SULT2B1: variants seen among roughly 807,000 people sequenced by gnomAD.
SULT2B1 encodes the protein sulfotransferase family 2B member 1, also known as sulfotransferase 2B1.
In SULT2B1, 16 loss-of-function variants were observed where a neutral mutation model predicts 33.2. The observed-to-expected ratio is 0.48, with a 90% CI of 0.33 to 0.73. The LOEUF is 0.73. Ranked by LOEUF, SULT2B1 falls within the 30% of genes least tolerant of loss-of-function variation. The pLI is 0.02. For synonymous variants in SULT2B1, 186 were observed against 200.5 expected, an observed-to-expected ratio of 0.93 and a Z score of 0.61; for missense variants, 500 against 506.0, an observed-to-expected ratio of 0.99 and a Z score of 0.11.
chr19:48,558,362 G>A (rs1275797312), intron 1 of SULT2B1, among the ~76,000 whole-genome samples: 3 of 152,202 alleles, frequency 2.0e-5, no homozygotes, highest in African/African-American at 7.2e-5. Flanking sequence ...GGTTCCAGGC[G>A]TTTCCTTGCA....
At chr19:48,553,324 T>C (rs1174777832) in intron 1 of SULT2B1, among the ~76,000 whole-genome samples, 3 of 152,200 alleles carry the variant, frequency 2.0e-5, no homozygotes, top group African/African-American at 7.2e-5. Flanking sequence ...TTTATTTTTT[T>C]GAAATGGAGT....
At chr19:48,553,121 C>T (rs1973050431) in intron 1 of SULT2B1, among the ~76,000 whole-genome samples, 1 of 151,754 alleles carries the variant, frequency 6.6e-6, no homozygotes, top group African/African-American at 2.4e-5. Context: ...GCGCAGAGGC[C>T]CAGAGAGGGC....
At chr19:48,598,263 G>C (rs1424912561) in intron 6 of SULT2B1, among the ~76,000 whole-genome samples, 6 of 152,262 alleles carry the variant, frequency 3.9e-5, no homozygotes, top group Admixed American at 3.9e-4. Flanking sequence ...TTCCAGGTGA[G>C]GGGTGATGCC....
intron 4 of SULT2B1, 31 bp from the exon 5 acceptor site, chr19:48,592,691 G>A (rs779108192): frequency 6.4e-7 from 1 of 1,556,176 alleles, no homozygotes; most frequent in Non-Finnish European, 8.7e-7. Context: ...CCGCCACTCA[G>A]CCCTCACCCC....
rs931725124 is a variant in SULT2B1, at chr19:48,576,166, G to C, written c.214+83G>C. 31 of 1,271,574 alleles carry C rather than the reference G, an allele frequency of 2.4e-5. No individual in the cohort carries two copies. The Admixed American group carries it at 5.7e-4, about 23-fold the overall frequency. The allele number at this position is 1,271,574 out of a possible 1,614,324, so 78.8% of individuals were successfully genotyped here. On this transcript the variant is annotated intron_variant, in intron 2 of 6. Transcript: ENST00000201586. Reference sequence around the variant, plus strand: ...AGGACAGGAAAGGCACATAGAGAAGGAGGGGAGGAGGAAAAGTGGGGCCGG... The same window carrying C: ...AGGACAGGAAAGGCACATAGAGAAGCAGGGGAGGAGGAAAAGTGGGGCCGG...
At chr19:48,559,859 G>A (rs1436508314) in intron 1 of SULT2B1, among the ~76,000 whole-genome samples, 1 of 151,798 alleles carries the variant, frequency 6.6e-6, no homozygotes, top group Non-Finnish European at 1.5e-5. Context: ...CACAGCTCAC[G>A]CCTGTAATCC....
intron 3 of SULT2B1, among the ~76,000 whole-genome samples, chr19:48,588,851 A>G (rs1163754139): frequency 1.3e-5 from 2 of 152,056 alleles, no homozygotes; most frequent in Non-Finnish European, 2.9e-5. Context: ...AGGTGGGTGT[A>G]TCTGAGGTGC....
chr19:48,564,580 GA>G (rs1157618272), intron 1 of SULT2B1, among the ~76,000 whole-genome samples: 1 of 133,788 alleles, frequency 7.5e-6, no homozygotes, highest in South Asian at 2.4e-4. Flanking sequence ...AAAAAAGAAA[GA>G]AAAAAAGAGG....
chr19:48,576,073 C>T lies in SULT2B1; in HGVS notation c.204C>T (p.Tyr68=), dbSNP rs138790416. The change falls in exon 2 of 7, where the codon TAC becomes TAT. Residue 68 remains tyrosine (Y), a synonymous_variant. Coordinates refer to ENST00000201586, the MANE Select transcript of SULT2B1 (RefSeq NM_177973.2). ...VRDDDIFIIT[Y]PKSGTTWMIE... is the part of the protein sequence containing the mutation. Reference sequence around the variant, plus strand: ...ACGACGACATCTTTATCATCACCTACCCCAAGTCAGGTACCTGCCGGGCTG... The same window carrying T: ...ACGACGACATCTTTATCATCACCTATCCCAAGTCAGGTACCTGCCGGGCTG... The T allele has an allele frequency of 5.3e-4, 860 of 1,610,914 alleles. No homozygotes were observed. Among genetic ancestry groups the T allele is most frequent in the Non-Finnish European group, 7.0e-4 (826 of 1,178,592 alleles).
At chr19:48,579,102 C>T (rs1973450906) in intron 2 of SULT2B1, among the ~76,000 whole-genome samples, 2 of 152,000 alleles carry the variant, frequency 1.3e-5, no homozygotes, top group East Asian at 1.9e-4. Flanking sequence ...CTGAGCATCA[C>T]GTTGTCAAGG....
In SULT2B1 at chr19:48,595,654, GGTTTTTTTTTGTTGT is replaced by G. The variant is rs573582853; in HGVS notation, c.646-1084_646-1070del. The stretch of plus-strand genomic sequence containing the variant: ...GTGACCAGACCACATCTGTTTTTTG[GGTTTTTTTTTGTTGT>G]TTTTTTTTTTTTTTTTGAGATGGAG... On this transcript the variant is annotated intron_variant, in intron 5 of 6. Coordinates refer to ENST00000201586, the MANE Select transcript of SULT2B1 (RefSeq NM_177973.2). 5.1e-3 allele frequency: 710 copies of G among 140,038 alleles called. 14 individuals carry two copies. Among genetic ancestry groups the G allele is most frequent in the African/African-American group, 0.01 (386 of 37,794 alleles). The allele number at this position is 140,038 out of a possible 1,614,324, so 8.7% of individuals were successfully genotyped here. A position where few individuals can be genotyped will look rare whatever the true frequency, so the allele number is the denominator to read the frequency against.
At chr19:48,593,079 G>A (rs960452417) in intron 5 of SULT2B1, among the ~76,000 whole-genome samples, 11 of 152,204 alleles carry the variant, frequency 7.2e-5, no homozygotes, top group African/African-American at 2.7e-4. Flanking sequence ...ATGGTCAGGG[G>A]CGAGATTTAA....
chr19:48,558,770 C>T (rs1299498500), intron 1 of SULT2B1, among the ~76,000 whole-genome samples: 1 of 149,666 alleles, frequency 6.7e-6, no homozygotes, highest in Non-Finnish European at 1.5e-5. Flanking sequence ...CTGCAACAGC[C>T]GCCTCCGGGG....
At chr19:48,566,974 A>T (rs1194947211) in intron 1 of SULT2B1, among the ~76,000 whole-genome samples, 1 of 151,994 alleles carries the variant, frequency 6.6e-6, no homozygotes, top group Non-Finnish European at 1.5e-5. Context: ...CTGCACTCCA[A>T]CCTGGGCGAT....
chr19:48,560,830 C>T (rs538729114), intron 1 of SULT2B1, among the ~76,000 whole-genome samples: 2 of 152,020 alleles, frequency 1.3e-5, no homozygotes, highest in East Asian at 3.9e-4. Flanking sequence ...GCCGTGGTGG[C>T]TCACATCTGT....
At chr19:48,596,334 T>A (rs939748130) in intron 5 of SULT2B1, 1 of 171,310 alleles carries the variant, frequency 5.8e-6, no homozygotes, top group African/African-American at 2.4e-5. Context: ...AGGAGCAGGT[T>A]TGAGATGTAG....
chr19:48,553,395 C>T lies in SULT2B1; in HGVS notation c.71+1072C>T, dbSNP rs559167203. Among the ~76,000 whole-genome samples, 17 of 152,308 alleles carry T rather than the reference C, an allele frequency of 1.1e-4. No individual in the cohort carries two copies. In the East Asian group the frequency reaches 1.7e-3, roughly 16 times the overall value. ...CGATATCAGCTCACTGCAGCCTCCG[C>T]GTCCTGGGTTCAAGTGATTCTCCAG... On this transcript the variant is annotated intron_variant, in intron 1 of 6. Coordinates refer to ENST00000201586, the MANE Select transcript of SULT2B1 (RefSeq NM_177973.2).
chr19:48,579,283 C>CTT (rs142498510), intron 2 of SULT2B1, among the ~76,000 whole-genome samples: 15 of 136,672 alleles, frequency 1.1e-4, no homozygotes, highest in South Asian at 2.3e-4. Flanking sequence ...CATGCAAGTT[C>CTT]TTTTTTTTTT....
At chr19:48,561,746 A>G (rs1973183851) in intron 1 of SULT2B1, among the ~76,000 whole-genome samples, 1 of 151,990 alleles carries the variant, frequency 6.6e-6, no homozygotes, top group African/African-American at 2.4e-5. Context: ...GGGACCTCGA[A>G]CCTAACGTGT....
Sources: allele counts gnomAD v4.1 joint callset (sites outside exome capture counted in the v4.1 genomes callset), GRCh38; gene constraint gnomAD v4.1.1; transcripts MANE v1.5; gene names NCBI Gene and HGNC (gene_info 2026-07-23, HGNC 2026-07-21).